The following PPP6R3 variants were observed in gnomAD, a reference collection of about 807,000 sequenced individuals.
PPP6R3 encodes the protein serine/threonine-protein phosphatase 6 regulatory subunit 3.
PPP6R3 carries 38 observed loss-of-function variants against 110.7 expected under a neutral mutation model. The ratio of observed to expected loss-of-function variants is 0.34; its 90% CI spans 0.26 to 0.45. PPP6R3 has a LOEUF of 0.45. Among genes scored for constraint, PPP6R3 ranks in the 20% least tolerant of loss-of-function variants. The pLI is 1.00. For synonymous variants in PPP6R3, 369 were observed against 373.5 expected, an observed-to-expected ratio of 0.99 and a Z score of 0.14; for missense variants, 870 against 1,062.4, an observed-to-expected ratio of 0.82 and a Z score of 2.52.
chr11:68,544,818 T>G lies in PPP6R3; in HGVS notation c.228-20T>G, dbSNP rs964293051. On this transcript the variant is annotated intron_variant, in intron 3 of 23. Transcript: ENST00000393800. ...TAAACTGTTAATAAAGATGATGATG[T>G]AAATATCCTGTTCTTCTAGGTATCC... is the stretch of plus-strand genomic sequence containing the variant. 6.6e-6 allele frequency: 10 copies of G among 1,523,516 alleles called. No individual in the cohort carries two copies. The highest frequency in any genetic ancestry group is 8.1e-6 in the Non-Finnish European group (9 of 1,107,084). The allele number at this position is 1,523,516 out of a possible 1,614,324, so 94.4% of individuals were successfully genotyped here.
intron 21 of PPP6R3, among the ~76,000 whole-genome samples, chr11:68,602,956 G>C (rs960045979): frequency 6.6e-6 from 1 of 152,156 alleles, no homozygotes; most frequent in Non-Finnish European, 1.5e-5. Flanking sequence ...TTAAAACAAA[G>C]CAAAGCAAAT....
rs2153821222 is a variant in PPP6R3, at chr11:68,581,467, T to G, written c.1546-1576T>G. On this transcript the variant is annotated intron_variant, in intron 14 of 23. Coordinates refer to ENST00000393800, the MANE Select transcript of PPP6R3 (RefSeq NM_001164161.2). ...AAGAGTCGCCAACTCTGTTTTGTCC[T>G]ATTTTGCTCAGTTCTTTGCATGGCC... Among the ~76,000 whole-genome samples, 3 of 152,394 alleles carry G rather than the reference T, an allele frequency of 2.0e-5. 1 individual carries two copies. The Middle Eastern group carries it at 0.01, about 518-fold the overall frequency.
intron 8 of PPP6R3, 26 bp downstream of exon 8, chr11:68,558,705 AT>A: frequency 1.3e-6 from 2 of 1,521,602 alleles, no homozygotes; most frequent in Non-Finnish European, 1.8e-6. Context: ...ATCTTACAAA[AT>A]GAACCATGTT....
intron 1 of PPP6R3, among the ~76,000 whole-genome samples, chr11:68,476,465 A>T (rs914358643): frequency 3.4e-3 from 4 of 1,170 alleles, no homozygotes; most frequent in Non-Finnish European, 3.8e-3. Flanking sequence ...GAGAGGGGGG[A>T]GGGGGAGGGG....
At chr11:68,564,917 A>G (rs1214645169) in intron 9 of PPP6R3, among the ~76,000 whole-genome samples, 1 of 152,168 alleles carries the variant, frequency 6.6e-6, no homozygotes, top group African/African-American at 2.4e-5. Context: ...ATTTTAAATG[A>G]CTGTTTCCTC....
chr11:68,462,586 C>A (rs2098715784), intron 1 of PPP6R3, among the ~76,000 whole-genome samples: 1 of 152,164 alleles, frequency 6.6e-6, no homozygotes, highest in Non-Finnish European at 1.5e-5. Flanking sequence ...CCGTGGATTG[C>A]AGTATTCTTC....
intron 2 of PPP6R3, among the ~76,000 whole-genome samples, chr11:68,523,812 G>GT (rs543206710): frequency 8.0e-4 from 115 of 144,292 alleles, no homozygotes; most frequent in African/African-American, 2.0e-3. Flanking sequence ...TTCCTAAATC[G>GT]TTTAAGTTTT....
intron 2 of PPP6R3, among the ~76,000 whole-genome samples, chr11:68,531,188 A>G (rs2099237239): frequency 6.6e-6 from 1 of 152,130 alleles, no homozygotes; most frequent in African/African-American, 2.4e-5. Flanking sequence ...ATGATCCTCC[A>G]TTTATGAATT....
intron 20 of PPP6R3, among the ~76,000 whole-genome samples, chr11:68,601,111 T>C (rs1455112226): frequency 6.6e-6 from 1 of 152,238 alleles, no homozygotes; most frequent in East Asian, 1.9e-4. Flanking sequence ...ATTAAGTTAC[T>C]ACTCAGAGGT....
intron 13 of PPP6R3, among the ~76,000 whole-genome samples, chr11:68,574,499 C>T (rs1039111708): frequency 1.3e-5 from 2 of 152,184 alleles, no homozygotes; most frequent in African/African-American, 2.4e-5. Flanking sequence ...TCTTAAAGAG[C>T]ATTGCTTGGT....
At chr11:68,575,274 A>T (rs1020094693) in intron 13 of PPP6R3, among the ~76,000 whole-genome samples, 1 of 152,252 alleles carries the variant, frequency 6.6e-6, no homozygotes, top group African/African-American at 2.4e-5. Context: ...CAGAATTATC[A>T]GATGACTAGT....
At chr11:68,581,087 T>A (rs1340697637) in intron 14 of PPP6R3, among the ~76,000 whole-genome samples, 2 of 152,150 alleles carry the variant, frequency 1.3e-5, no homozygotes, top group Non-Finnish European at 2.9e-5. Context: ...GATCATCTTT[T>A]TAGCTCATTT....
chr11:68,522,716 A>T (rs1282190753), intron 2 of PPP6R3: 3 of 152,240 alleles, frequency 2.0e-5, no homozygotes, highest in East Asian at 1.9e-4. Flanking sequence ...TTACATTTTT[A>T]TAGGTTTTCT....
rs373949630 is a variant in PPP6R3, at chr11:68,549,961, C to T, written c.553-1160C>T. 1.0e-3 allele frequency among the ~76,000 whole-genome samples: 159 copies of T among 152,252 alleles called. No individual in the cohort carries two copies. In the South Asian group the frequency reaches 0.013, roughly 12 times the overall value. On this transcript the variant is annotated intron_variant, in intron 5 of 23. Coordinates refer to ENST00000393800, the MANE Select transcript of PPP6R3 (RefSeq NM_001164161.2). ...AGGAGTCTGGGATTGATTAGTTCGC[C>T]GCCTGGAAAGTTTCCTGGTTTCTCC...
chr11:68,584,258 C>T (rs191838537), intron 15 of PPP6R3, among the ~76,000 whole-genome samples: 2 of 152,298 alleles, frequency 1.3e-5, no homozygotes, highest in African/African-American at 4.8e-5. Context: ...GCTGCACGGG[C>T]CGTGGCGGTG....
chr11:68,581,496 T>C (rs2099554392), intron 14 of PPP6R3, among the ~76,000 whole-genome samples: 1 of 152,268 alleles, frequency 6.6e-6, no homozygotes, highest in Non-Finnish European at 1.5e-5. Context: ...CATGGCCTTC[T>C]ATTTCTGTGC....
At chr11:68,533,508 A>G (rs184420128) in intron 2 of PPP6R3, among the ~76,000 whole-genome samples, 142 of 152,084 alleles carry the variant, frequency 9.3e-4, no homozygotes, top group Middle Eastern at 3.4e-3. Flanking sequence ...GTTTGAGACC[A>G]TCCTGAGCAA....
chr11:68,612,959 A>C, intron 23 of PPP6R3, 107 bp from the exon 24 acceptor site: 1 of 1,557,814 alleles, frequency 6.4e-7, no homozygotes, highest in Non-Finnish European at 8.7e-7. Flanking sequence ...TAAGTTCAAA[A>C]CAATGTTAAA....
intron 8 of PPP6R3, among the ~76,000 whole-genome samples, chr11:68,559,536 C>T (rs563752419): frequency 2.6e-5 from 4 of 152,296 alleles, no homozygotes; most frequent in Admixed American, 6.5e-5. Flanking sequence ...TTACTTTTAG[C>T]GGTGTAATTT....
Sources: allele counts gnomAD v4.1 joint callset (sites outside exome capture counted in the v4.1 genomes callset), GRCh38; gene constraint gnomAD v4.1.1; transcripts MANE v1.5; gene names NCBI Gene and HGNC (gene_info 2026-07-23, HGNC 2026-07-21).